The following PIEZO2 variants were observed in gnomAD, a reference collection of about 807,000 sequenced individuals.
The protein encoded by PIEZO2 is piezo-type mechanosensitive ion channel component 2.
PIEZO2 carries 172 observed loss-of-function variants against 337.3 expected under a neutral mutation model. The observed-to-expected ratio is 0.51, with a 90% CI of 0.45 to 0.58. The LOEUF is 0.58. Among genes scored for constraint, PIEZO2 ranks in the 20% least tolerant of loss-of-function variants. PIEZO2 has a pLI of 0.00. For missense variants in PIEZO2, 3,028 were observed against 3,391.3 expected (o/e 0.89, Z 2.66); for synonymous variants, 1,251 against 1,228.5 (o/e 1.02, Z -0.38).
At chr18:10,802,085 C>CAAAAAA (rs58924448) in intron 9 of PIEZO2, among the ~76,000 whole-genome samples, 7 of 96,592 alleles carry the variant, frequency 7.2e-5, no homozygotes, top group African/African-American at 1.2e-4. Flanking sequence ...GACTCCGTCT[C>CAAAAAA]AAAAAAAAAA....
At chr18:10,873,434 G>A (rs1471190878) in intron 4 of PIEZO2, among the ~76,000 whole-genome samples, 1 of 152,114 alleles carries the variant, frequency 6.6e-6, no homozygotes, top group Non-Finnish European at 1.5e-5. Context: ...GCTTTCCCAT[G>A]TATGTATCCA....
At chr18:11,036,836 A>G (rs2036938455) in intron 2 of PIEZO2, among the ~76,000 whole-genome samples, 3 of 152,192 alleles carry the variant, frequency 2.0e-5, no homozygotes, top group African/African-American at 7.2e-5. Context: ...ACACACTGAC[A>G]GTTGTTATGT....
chr18:10,844,816 C>G (rs2041305518), intron 7 of PIEZO2, among the ~76,000 whole-genome samples: 2 of 149,848 alleles, frequency 1.3e-5, no homozygotes, highest in Non-Finnish European at 3.0e-5. Context: ...GTACCTACCT[C>G]ATAGGGTTAT....
At chr18:10,714,342 A>G (rs1318109457) in intron 39 of PIEZO2, among the ~76,000 whole-genome samples, 1 of 152,212 alleles carries the variant, frequency 6.6e-6, no homozygotes, top group African/African-American at 2.4e-5. Context: ...TTTATCATAA[A>G]ACTTAAGGTA....
chr18:10,982,343 G>A lies in PIEZO2; in HGVS notation c.161-2683C>T, dbSNP rs1377253007. ...TTTAAGAATTAACCTAAAAAAGAAT[G>A]CTTAAGACCGTTCTTGACAAAATTG... On this transcript the variant is annotated intron_variant, in intron 2 of 55. Transcript: ENST00000674853. This position sits in a 1 kb window ranked among gnomAD's most constrained non-coding sequence, Gnocchi z 4.1. Among the ~76,000 whole-genome samples, 1 of 151,796 alleles carries A rather than the reference G, an allele frequency of 6.6e-6. No homozygotes were observed. The highest frequency in any genetic ancestry group is 1.5e-5 in the Non-Finnish European group (1 of 67,964).
At chr18:10,987,409 T>G (rs1358298096) in intron 2 of PIEZO2, among the ~76,000 whole-genome samples, 1 of 152,034 alleles carries the variant, frequency 6.6e-6, no homozygotes, top group Non-Finnish European at 1.5e-5. Flanking sequence ...AACCCACAAA[T>G]GTATAGCCAT....
rs116796949 is a variant in PIEZO2 at position 10,857,503 on chromosome 18, A to G, written c.493-292T>C. On this transcript the variant is annotated intron_variant, in intron 5 of 55. Transcript: ENST00000674853. ...ATAAGCAAAGAAGAAACTCTCTGAA[A>G]CATCTATTAACAAGTTTAGTTTAGA... 0.018 allele frequency among the ~76,000 whole-genome samples: 2,723 copies of G among 152,272 alleles called. 88 individuals carry two copies. Among genetic ancestry groups the G allele is most frequent in the African/African-American group, 0.063 (2,604 of 41,538 alleles).
At position 10,698,014 on chromosome 18, in the gene PIEZO2, G is replaced by GATGCATTTGTGAACAATTA. The variant is rs2035176001; in HGVS notation, c.6695-135_6695-134insTAATTGTTCACAAATGCAT. On this transcript the variant is annotated intron_variant, in intron 44 of 55. Transcript: ENST00000674853. ...CTGTTTGGGAGGATGAGTATGCACG[G>GATGCATTTGTGAACAATTA]CCTTGGGATTTGTCCTCAACTCTGC... 1.1e-4 allele frequency: 101 copies of GATGCATTTGTGAACAATTA among 923,272 alleles called. 1 individual carries two copies. Among genetic ancestry groups the GATGCATTTGTGAACAATTA allele is most frequent in the Non-Finnish European group, 1.5e-4 (93 of 635,654 alleles). 57.2% of individuals were successfully genotyped at this position (923,272 alleles called of 1,614,324 possible). A position where few individuals can be genotyped will look rare whatever the true frequency, so the allele number is the denominator to read the frequency against.
intron 2 of PIEZO2, among the ~76,000 whole-genome samples, chr18:10,999,904 A>G (rs2145600797): frequency 6.6e-6 from 1 of 152,332 alleles, no homozygotes; most frequent in Non-Finnish European, 1.5e-5. Flanking sequence ...ATGTGCTGGG[A>G]CTTCGAAATA....
intron 7 of PIEZO2, among the ~76,000 whole-genome samples, chr18:10,845,409 A>G (rs1273290168): frequency 1.3e-5 from 2 of 152,162 alleles, no homozygotes; most frequent in Non-Finnish European, 2.9e-5. Flanking sequence ...ATTAGATTTT[A>G]CTAAATTACT....
At chr18:10,753,146 G>A (rs1167086836) in intron 27 of PIEZO2, among the ~76,000 whole-genome samples, 1 of 152,186 alleles carries the variant, frequency 6.6e-6, no homozygotes, top group Admixed American at 6.5e-5. Flanking sequence ...CCTACCACTT[G>A]AGTATTCAAA....
chr18:10,860,831 T>C (rs1286225230), intron 5 of PIEZO2, among the ~76,000 whole-genome samples: 5 of 152,228 alleles, frequency 3.3e-5, no homozygotes, highest in Admixed American at 6.5e-5. Context: ...ACAAATGCAT[T>C]TCCCTGACCT....
At chr18:11,123,525 T>C (rs1229351501) in intron 1 of PIEZO2, among the ~76,000 whole-genome samples, 2 of 152,108 alleles carry the variant, frequency 1.3e-5, no homozygotes, top group Admixed American at 6.6e-5. Context: ...GAATGTAAAC[T>C]GGGACGGGCA....
chr18:10,697,528 A>G (rs1365859615), intron 45 of PIEZO2, among the ~76,000 whole-genome samples: 4 of 152,266 alleles, frequency 2.6e-5, no homozygotes, highest in Non-Finnish European at 5.9e-5. Context: ...GTTCAAATAG[A>G]AAAAGCATGT....
In PIEZO2 at chr18:11,032,646, A is replaced by G. The variant is rs1398957216; in HGVS notation, c.160+33481T>C. Among the ~76,000 whole-genome samples the G allele has an allele frequency of 6.6e-6, 1 of 152,220 alleles. No homozygotes were observed. The highest frequency in any genetic ancestry group is 1.9e-4 in the East Asian group (1 of 5,202). On this transcript the variant is annotated intron_variant, in intron 2 of 55. Transcript: ENST00000674853. The surrounding 1 kb of genome is among the most constrained non-coding windows in gnomAD (Gnocchi z 4.9). Reference sequence around the variant, plus strand: ...TCAAAAAGGCAGTATGTTCTGAGCAATAAGGCAAATGCATTTCAGTTTTAA... The same window carrying G: ...TCAAAAAGGCAGTATGTTCTGAGCAGTAAGGCAAATGCATTTCAGTTTTAA...
chr18:11,063,286 T>TA (rs2038036048), intron 2 of PIEZO2, among the ~76,000 whole-genome samples: 1 of 70,644 alleles, frequency 1.4e-5, no homozygotes, highest in African/African-American at 7.6e-5. Flanking sequence ...TGTTGTGGGG[T>TA]GGGGGGAGTG....
In PIEZO2 at chr18:11,102,946, G is replaced by A. The variant is rs960261126; in HGVS notation, c.65-36724C>T. ...TGTAATTTTAAAAATCCCAGGGAAG[G>A]ACTCTCACTGGTCTTCTGTGGGTCA... On this transcript the variant is annotated intron_variant, in intron 1 of 55. Transcript: ENST00000674853. This position sits in a 1 kb window ranked among gnomAD's most constrained non-coding sequence, Gnocchi z 5.7. 6.6e-5 allele frequency among the ~76,000 whole-genome samples: 10 copies of A among 152,148 alleles called. No homozygotes were observed. Among genetic ancestry groups the A allele is most frequent in the African/African-American group, 2.4e-4 (10 of 41,434 alleles).
Position 10,863,992 on chromosome 18 carries a change from A to G in PIEZO2, c.493-6781T>C, listed in dbSNP as rs2041942891. ...TAAGTGTAGCTGTTCTAAATGATTC[A>G]CCCTGGTATTCACTCCAAAAATAAA... On this transcript the variant is annotated intron_variant, in intron 5 of 55. Coordinates refer to ENST00000674853, the MANE Select transcript of PIEZO2 (RefSeq NM_001378183.1). The surrounding 1 kb of genome is among the most constrained non-coding windows in gnomAD (Gnocchi z 4.3). 6.6e-6 allele frequency among the ~76,000 whole-genome samples: 1 copy of G among 152,076 alleles called. No homozygotes were observed. The highest frequency in any genetic ancestry group is 1.5e-5 in the Non-Finnish European group (1 of 67,998).
chr18:10,762,804 G>C (rs1279633174), intron 22 of PIEZO2, 118 bp downstream of exon 22: 1 of 1,348,758 alleles, frequency 7.4e-7, no homozygotes, highest in African/African-American at 1.5e-5. Context: ...GACCAGCCAG[G>C]GAGAGGTGAC....
Sources: allele counts gnomAD v4.1 joint callset (sites outside exome capture counted in the v4.1 genomes callset), GRCh38; gene constraint gnomAD v4.1.1; non-coding constraint Gnocchi (gnomAD v3.1); transcripts MANE v1.5; gene names NCBI Gene and HGNC (gene_info 2026-07-23, HGNC 2026-07-21).